MTTP: variants seen among roughly 807,000 people sequenced by gnomAD.
The protein encoded by MTTP is microsomal triglyceride transfer protein large subunit.
A neutral mutation model predicts 90.6 loss-of-function variants in MTTP; 49 were observed. The ratio of observed to expected loss-of-function variants is 0.54; its 90% CI spans 0.43 to 0.69. The LOEUF (loss-of-function observed/expected upper bound fraction) is 0.69. Ranked by LOEUF, MTTP falls within the 30% of genes least tolerant of loss-of-function variation. The probability of loss-of-function intolerance (pLI) is 0.00; values close to 1 mark genes in which losing one functional copy is unlikely to be tolerated. For synonymous variants in MTTP, 347 were observed against 384.2 expected (o/e 0.90, Z 1.13); for missense variants, 945 against 1,067.5 (o/e 0.89, Z 1.60).
intron 1 of MTTP, among the ~76,000 whole-genome samples, chr4:99,566,583 G>T (rs955403978): frequency 2.0e-5 from 3 of 152,134 alleles, no homozygotes; most frequent in Non-Finnish European, 4.4e-5. Context: ...CAGGATAAAA[G>T]TTCCAGGAGA....
intron 1 of MTTP, among the ~76,000 whole-genome samples, chr4:99,581,555 A>T (rs1431242961): frequency 6.6e-6 from 1 of 152,180 alleles, no homozygotes; most frequent in Non-Finnish European, 1.5e-5. Flanking sequence ...TTATCAACCA[A>T]TTCCTGGTGG....
intron 15 of MTTP, among the ~76,000 whole-genome samples, chr4:99,616,682 C>T (rs985848817): frequency 1.3e-5 from 2 of 152,054 alleles, no homozygotes; most frequent in African/African-American, 4.8e-5. Context: ...TGTTTTTCTA[C>T]AGGAGTCAGT....
intron 14 of MTTP, 57 bp from the exon 15 acceptor site, chr4:99,612,856 T>C (rs1725993717): frequency 1.3e-6 from 2 of 1,496,616 alleles, no homozygotes; most frequent in African/African-American, 2.8e-5. Context: ...AGCTTCACCA[T>C]TATTTACAGA....
intron 6 of MTTP, among the ~76,000 whole-genome samples, chr4:99,592,194 C>G (rs990024222): frequency 3.3e-5 from 5 of 152,012 alleles, no homozygotes; most frequent in African/African-American, 7.2e-5. Context: ...ATAAAAGGTA[C>G]ATAAGTGAAA....
At chr4:99,575,043 T>C in intron 1 of MTTP, 73 bp downstream of exon 1, 2 of 1,483,952 alleles carry the variant, frequency 1.3e-6, no homozygotes, top group South Asian at 1.1e-5. Flanking sequence ...TGCGTGTGTG[T>C]GTGTTTGTGT....
chr4:99,613,878 G>T (rs1397872526), intron 15 of MTTP, among the ~76,000 whole-genome samples: 1 of 152,172 alleles, frequency 6.6e-6, no homozygotes, highest in Non-Finnish European at 1.5e-5. Flanking sequence ...AAAAACAGAA[G>T]AGGGTTAATC....
chr4:99,603,127 T>A (rs753290487), intron 10 of MTTP, among the ~76,000 whole-genome samples: 1 of 152,048 alleles, frequency 6.6e-6, no homozygotes, highest in Non-Finnish European at 1.5e-5. Flanking sequence ...CAATAATGTA[T>A]GAAAAGGCCC....
chr4:99,565,301 CA>C (rs545887555), intron 1 of MTTP, among the ~76,000 whole-genome samples: 1 of 150,916 alleles, frequency 6.6e-6, no homozygotes, highest in Non-Finnish European at 1.5e-5. Context: ...AGTTTTAAAG[CA>C]AAAAAAACCA....
chr4:99,592,039 C>T (rs1292019617), intron 6 of MTTP, among the ~76,000 whole-genome samples: 2 of 152,110 alleles, frequency 1.3e-5, no homozygotes, highest in African/African-American at 4.8e-5. Context: ...GCCTATTGCT[C>T]CTAGGCTACA....
intron 7 of MTTP, among the ~76,000 whole-genome samples, chr4:99,596,149 C>T (rs1384723104): frequency 6.6e-6 from 1 of 151,924 alleles, no homozygotes; most frequent in Non-Finnish European, 1.5e-5. Flanking sequence ...CTTGGAATAT[C>T]TTCTTAAGAT....
At chr4:99,613,832 G>A (rs1726024020) in intron 15 of MTTP, among the ~76,000 whole-genome samples, 1 of 152,176 alleles carries the variant, frequency 6.6e-6, no homozygotes, top group Non-Finnish European at 1.5e-5. Context: ...CCAAGATACT[G>A]TGGGATGGAG....
intron 3 of MTTP, among the ~76,000 whole-genome samples, chr4:99,588,726 T>C (rs1418627814): frequency 6.5e-5 from 7 of 108,166 alleles, no homozygotes; most frequent in Admixed American, 9.3e-5. Context: ...TTCATATATA[T>C]ACACACATAT....
In MTTP at chr4:99,589,385, C is replaced by T. The variant is rs148922812; in HGVS notation, c.394-258C>T. ...TCCTTGTTTTCATGAGGCTCCCAGC[C>T]TATATCAGTGCTCTCTCCCAATGCT... On this transcript the variant is annotated intron_variant, in intron 3 of 17. Transcript: ENST00000265517. Among the ~76,000 whole-genome samples, 156 of 152,172 alleles carry T rather than the reference C, an allele frequency of 1.0e-3. 2 individuals are homozygous for T. The highest frequency in any genetic ancestry group is 6.8e-3 in the Middle Eastern group (2 of 294).
chr4:99,606,846 G>A lies in MTTP; in HGVS notation c.1443G>A (p.Leu481=), dbSNP rs1020830236. 1 of 1,614,130 alleles carries A rather than the reference G, an allele frequency of 6.2e-7. No homozygotes were observed. Among genetic ancestry groups the A allele is most frequent in the Non-Finnish European group, 8.5e-7 (1 of 1,180,000 alleles). ...ATCTGCTGGCTTTGAAGAATGCCCT[G>A]CTTCCAGAAGGCATCCCAAGTCTTC... ...RMYLLALKNA[L]LPEGIPSLLK... Residue 481 remains leucine (L), a synonymous_variant, in exon 11 of 18, where the codon CTG becomes CTA. Transcript: ENST00000265517.
intron 1 of MTTP, chr4:99,564,272 C>A: frequency 6.6e-7 from 1 of 1,523,058 alleles, no homozygotes; most frequent in Non-Finnish European, 8.8e-7. Context: ...GATAGTCCCA[C>A]TGTTAAAAAT....
chr4:99,592,009 A>G (rs757651422), intron 6 of MTTP, among the ~76,000 whole-genome samples: 5 of 152,136 alleles, frequency 3.3e-5, no homozygotes, highest in Non-Finnish European at 7.4e-5. Context: ...GGCATAGCCT[A>G]CACTACATTA....
At chr4:99,578,120 T>C (rs1480691193) in intron 1 of MTTP, among the ~76,000 whole-genome samples, 1 of 152,228 alleles carries the variant, frequency 6.6e-6, no homozygotes, top group Non-Finnish European at 1.5e-5. Flanking sequence ...ACTAAGCCAG[T>C]TATCAGTGAT....
In MTTP at chr4:99,583,389, G is replaced by A. The variant is rs564887978; in HGVS notation, c.265G>A (p.Val89Ile). The A allele has an allele frequency of 3.1e-6, 5 of 1,613,124 alleles. No homozygotes were observed. The African/African-American group carries it at 4.0e-5, about 13-fold the overall frequency. ...LIQITMKDVN[V>I]ENVNQQRGEK... ...GTTACTCCAGATGAAGGATGTAAAT[G>A]TTGAAAATGTGAATCAGCAGAGAGG... is the stretch of plus-strand genomic sequence containing the variant. Residue 89 changes from valine (V) to isoleucine (I), a missense_variant, in exon 3 of 18, where the codon GTT becomes ATT. Coordinates refer to ENST00000265517, the MANE Select transcript of MTTP (RefSeq NM_001386140.1).
At chr4:99,595,069 A>G (rs1023628870) in intron 7 of MTTP, among the ~76,000 whole-genome samples, 186 bp downstream of exon 7, 3 of 152,200 alleles carry the variant, frequency 2.0e-5, no homozygotes, top group African/African-American at 7.2e-5. Context: ...TAATTAACAA[A>G]TAGTTACCAT....
Sources: allele counts gnomAD v4.1 joint callset (sites outside exome capture counted in the v4.1 genomes callset), GRCh38; gene constraint gnomAD v4.1.1; transcripts MANE v1.5; gene names NCBI Gene and HGNC (gene_info 2026-07-23, HGNC 2026-07-21).